Variants in CSMD1 observed in about 807,000 individuals in gnomAD.
CSMD1 encodes CUB and Sushi multiple domains 1.
A neutral mutation model predicts 417.5 loss-of-function variants in CSMD1; 213 were observed. The ratio of observed to expected loss-of-function variants is 0.51; its 90% CI spans 0.46 to 0.57. CSMD1 has a LOEUF of 0.57. CSMD1 is among the 20% of genes least tolerant of loss of function. CSMD1 has a pLI of 0.00. For synonymous variants in CSMD1, 2,862 were observed against 1,736.8 expected, an observed-to-expected ratio of 1.65 and a Z score of -16.11; for missense variants, 6,923 against 4,529.7, an observed-to-expected ratio of 1.53 and a Z score of -15.17.
Position 3,778,333 on chromosome 8 carries a change from G to A in CSMD1, c.819-24291C>T, listed in dbSNP as rs746501003. ...TCCTGTTACATTTTCCCCAATTAGG[G>A]AAACCTGTGTAATCACCAGCTGTCT... On this transcript the variant is annotated intron_variant, in intron 5 of 69. Coordinates refer to ENST00000635120, the MANE Select transcript of CSMD1 (RefSeq NM_033225.6). 5.3e-5 allele frequency among the ~76,000 whole-genome samples: 8 copies of A among 152,160 alleles called. No individual in the cohort carries two copies. The South Asian group carries it at 6.2e-4, about 12-fold the overall frequency.
At chr8:4,379,247 TG>T (rs2128917633) in intron 3 of CSMD1, among the ~76,000 whole-genome samples, 1 of 152,216 alleles carries the variant, frequency 6.6e-6, no homozygotes, top group South Asian at 2.1e-4. Context: ...AGCCTCAACA[TG>T]TGGGACTTTT....
intron 3 of CSMD1, among the ~76,000 whole-genome samples, chr8:4,385,583 G>C (rs923403753): frequency 3.9e-5 from 6 of 152,122 alleles, no homozygotes; most frequent in African/African-American, 1.2e-4. Context: ...TTTTTAAGGA[G>C]TAAGAATGTT....
rs1221811084 is a variant in CSMD1, at chr8:4,006,821, CTAT to C, written c.611-8714_611-8712del. Among the ~76,000 whole-genome samples, 391 of 90,076 alleles carry C rather than the reference CTAT, an allele frequency of 4.3e-3. 1 individual carries two copies. The highest frequency in any genetic ancestry group is 0.018 in the African/African-American group (384 of 21,914). 59.1% of individuals were successfully genotyped at this position (90,076 alleles called of 152,430 possible). ...TCGCTGAGAGAATCCAGGACTTTTCCTATTTTTTTTTTTTTTTTTTTTTTGAGA... is the reference window on the plus strand; with the variant it reads ...TCGCTGAGAGAATCCAGGACTTTTCCTTTTTTTTTTTTTTTTTTTTTGAGA... On this transcript the variant is annotated intron_variant, in intron 4 of 69. Transcript: ENST00000635120.
rs759605369 is a variant in CSMD1, at chr8:2,998,013, C to G, written c.8375G>C (p.Arg2792Pro). The G allele has an allele frequency of 6.2e-7, 1 of 1,612,882 alleles. No individual in the cohort carries two copies. The highest frequency in any genetic ancestry group is 1.3e-5 in the African/African-American group (1 of 74,906). ...TCATTCCTGGATGCTGTTCCTACCT[C>G]GACACGTGGGCAGAGGGCTACTCCA... Reference protein sequence around the residue: ...GQWSSPLPTCRVVNCSDPGFV... With the variant: ...GQWSSPLPTCPVVNCSDPGFV... Residue 2792 changes from arginine (R) to proline (P), a missense_variant and splice_region_variant, in exon 54 of 70, where the codon CGA (arginine) becomes CCA (proline). Transcript: ENST00000635120.
chr8:3,844,397 A>C (rs1311977734), intron 5 of CSMD1, among the ~76,000 whole-genome samples: 1 of 152,170 alleles, frequency 6.6e-6, no homozygotes, highest in Non-Finnish European at 1.5e-5. Context: ...CTCACCAACA[A>C]ATTATTGACA....
chr8:4,330,960 G>A (rs755436925), intron 3 of CSMD1, among the ~76,000 whole-genome samples: 1 of 152,042 alleles, frequency 6.6e-6, no homozygotes, highest in Non-Finnish European at 1.5e-5. Flanking sequence ...ATAACTAAAT[G>A]CAAGACCCCC....
At chr8:3,336,760 C>T (rs1807289336) in intron 23 of CSMD1, among the ~76,000 whole-genome samples, 1 of 152,160 alleles carries the variant, frequency 6.6e-6, no homozygotes, top group Admixed American at 6.5e-5. Context: ...GAGTCCCGCC[C>T]CCAGCTGCAT....
At chr8:2,958,007 G>A (rs771084602) in intron 62 of CSMD1, among the ~76,000 whole-genome samples, 200 bp from the exon 63 acceptor site, 3 of 152,200 alleles carry the variant, frequency 2.0e-5, no homozygotes, top group Non-Finnish European at 4.4e-5. Context: ...AATGAATAAT[G>A]TAAGATCTTC....
chr8:3,826,032 G>C (rs11787086), intron 5 of CSMD1, among the ~76,000 whole-genome samples: 106,044 of 152,092 alleles, frequency 0.7, 37,140 homozygotes, highest in East Asian at 0.79. Context: ...AGGCCAACGT[G>C]TTGTCTTTCA....
chr8:4,498,676 T>C (rs1038035978), intron 2 of CSMD1, among the ~76,000 whole-genome samples: 1 of 152,182 alleles, frequency 6.6e-6, no homozygotes, highest in African/African-American at 2.4e-5. Flanking sequence ...CTCATGTTTA[T>C]CGAGTACCTA....
chr8:4,194,876 T>A (rs1297353530), intron 3 of CSMD1, among the ~76,000 whole-genome samples: 1 of 152,128 alleles, frequency 6.6e-6, no homozygotes. Context: ...TTTTCATTGG[T>A]CAGCCACATA....
chr8:3,737,337 A>G (rs960929251), intron 6 of CSMD1, among the ~76,000 whole-genome samples: 1 of 152,196 alleles, frequency 6.6e-6, no homozygotes, highest in Non-Finnish European at 1.5e-5. Flanking sequence ...CAAACCTCAC[A>G]TTCCTAATGT....
At chr8:3,954,564 T>C (rs1811809806) in intron 5 of CSMD1, among the ~76,000 whole-genome samples, 1 of 152,210 alleles carries the variant, frequency 6.6e-6, no homozygotes, top group Non-Finnish European at 1.5e-5. Context: ...AGACGGGGTT[T>C]CACCGTGTTG....
At chr8:3,207,332 T>C (rs1260337120) in intron 30 of CSMD1, among the ~76,000 whole-genome samples, 1 of 150,642 alleles carries the variant, frequency 6.6e-6, no homozygotes, top group African/African-American at 2.4e-5. Flanking sequence ...TTTTTTCATC[T>C]TTAATAGATA....
intron 5 of CSMD1, among the ~76,000 whole-genome samples, chr8:3,933,310 T>C (rs1810279548): frequency 6.6e-6 from 1 of 152,322 alleles, no homozygotes; most frequent in East Asian, 1.9e-4. Context: ...TATTTATTTG[T>C]TAACTGAAGC....
chr8:4,834,681 G>A (rs557045073), intron 1 of CSMD1, among the ~76,000 whole-genome samples: 1 of 152,042 alleles, frequency 6.6e-6, no homozygotes, highest in Non-Finnish European at 1.5e-5. Flanking sequence ...AAAAGGCCAG[G>A]TGCGGTGGCT....
chr8:3,266,631 C>T (rs1254417199), intron 26 of CSMD1, among the ~76,000 whole-genome samples: 3 of 128,044 alleles, frequency 2.3e-5, no homozygotes, highest in East Asian at 4.6e-4. Flanking sequence ...AAAAAAAAGC[C>T]AGGCATGGTG....
At chr8:3,452,255 T>C (rs140101831) in intron 12 of CSMD1, among the ~76,000 whole-genome samples, 293 of 152,308 alleles carry the variant, frequency 1.9e-3, no homozygotes, top group South Asian at 6.0e-3. Context: ...AATCATGTCA[T>C]CTGGAAAAAG....
At chr8:4,277,510 C>T (rs1241864952) in intron 3 of CSMD1, among the ~76,000 whole-genome samples, 1 of 152,064 alleles carries the variant, frequency 6.6e-6, no homozygotes, top group Non-Finnish European at 1.5e-5. Flanking sequence ...TTCCTGGTGC[C>T]ATGTTTTTCT....
Sources: gnomAD v4.1 joint callset for allele counts (sites outside exome capture counted in the v4.1 genomes callset) on GRCh38, gnomAD v4.1.1 for gene constraint, MANE v1.5 for transcripts, NCBI Gene and HGNC (gene_info 2026-07-23, HGNC 2026-07-21) for gene names.